The following DLGAP4 variants were observed in gnomAD, a reference collection of about 807,000 sequenced individuals.
The protein encoded by DLGAP4 is disks large-associated protein 4.
In DLGAP4, 18 loss-of-function variants were observed where a neutral mutation model predicts 86.9. The ratio of observed to expected loss-of-function variants is 0.21; its 90% CI spans 0.14 to 0.31. The LOEUF (loss-of-function observed/expected upper bound fraction) is 0.31, where lower values mean the gene tolerates loss of function less well. DLGAP4 is among the 10% of genes least tolerant of loss of function. The pLI, the probability that DLGAP4 is intolerant of heterozygous loss-of-function variation, is 1.00. For synonymous variants in DLGAP4, 548 were observed against 574.3 expected, an observed-to-expected ratio of 0.95 and a Z score of 0.65; for missense variants, 1,085 against 1,362.6, an observed-to-expected ratio of 0.80 and a Z score of 3.21.
At chr20:36,476,576 G>A (rs1336146240) in intron 7 of DLGAP4, among the ~76,000 whole-genome samples, 1 of 150,772 alleles carries the variant, frequency 6.6e-6, no homozygotes, top group East Asian at 1.9e-4. Flanking sequence ...TGATCCACCC[G>A]CCTCAGCCTC....
At chr20:36,487,709 A>G (rs2035477890) in intron 7 of DLGAP4, among the ~76,000 whole-genome samples, 1 of 152,192 alleles carries the variant, frequency 6.6e-6, no homozygotes, top group South Asian at 2.1e-4. Flanking sequence ...AGGCAACCTT[A>G]GTGTCTTCCA....
intron 1 of DLGAP4, among the ~76,000 whole-genome samples, chr20:36,357,123 T>G (rs1555893897): frequency 2.0e-5 from 3 of 152,184 alleles, no homozygotes; most frequent in African/African-American, 7.2e-5. Flanking sequence ...CTCCCTGGAC[T>G]GGCACTGCAG....
chr20:36,341,894 G>A (rs1043968789), intron 1 of DLGAP4, among the ~76,000 whole-genome samples: 3 of 152,180 alleles, frequency 2.0e-5, no homozygotes, highest in East Asian at 1.9e-4. Context: ...ACAGCCTCCC[G>A]CCTTCCTGCA....
intron 1 of DLGAP4, among the ~76,000 whole-genome samples, chr20:36,307,768 A>AG (rs1475273469): frequency 6.6e-6 from 1 of 152,024 alleles, no homozygotes; most frequent in Non-Finnish European, 1.5e-5. Flanking sequence ...AGTCCCCAGT[A>AG]GGGAGGGGGG....
rs1049610275 is a variant in DLGAP4, at chr20:36,500,976, G to T, written c.2512+365G>T. On this transcript the variant is annotated intron_variant, in intron 10 of 12. Coordinates refer to ENST00000339266, the MANE Select transcript of DLGAP4 (RefSeq NM_001365621.2). This position sits in a 1 kb window ranked among gnomAD's most constrained non-coding sequence, Gnocchi z 4.6. The stretch of plus-strand genomic sequence containing the variant: ...CCTCTGCTCACTATATGAGCATGTT[G>T]TAAGGATTGAATGTGGTCGTGCATG... Among the ~76,000 whole-genome samples the T allele has an allele frequency of 2.0e-5, 3 of 151,858 alleles. No homozygotes were observed. The highest frequency in any genetic ancestry group is 1.3e-4 in the Admixed American group (2 of 15,262).
chr20:36,370,524 T>A (rs1192663345), intron 2 of DLGAP4, among the ~76,000 whole-genome samples: 1 of 151,728 alleles, frequency 6.6e-6, no homozygotes, highest in Non-Finnish European at 1.5e-5. Flanking sequence ...GGGACGTTCC[T>A]AGGGACAGGC....
intron 2 of DLGAP4, among the ~76,000 whole-genome samples, chr20:36,383,457 A>C (rs2031477161): frequency 6.6e-6 from 1 of 152,010 alleles, no homozygotes; most frequent in Admixed American, 6.6e-5. Context: ...TTGCTGCTGC[A>C]CTTGGCTGTA....
intron 2 of DLGAP4, among the ~76,000 whole-genome samples, chr20:36,413,686 T>C (rs567867109): frequency 3.9e-5 from 6 of 152,014 alleles, no homozygotes; most frequent in African/African-American, 1.4e-4. Context: ...CCCAAAATGC[T>C]GGAATTACAG....
intron 6 of DLGAP4, among the ~76,000 whole-genome samples, chr20:36,445,090 C>G (rs1002979090): frequency 6.6e-6 from 1 of 152,150 alleles, no homozygotes; most frequent in Admixed American, 6.6e-5. Flanking sequence ...GCTACCACTC[C>G]TGGCTAATTT....
chr20:36,448,093 C>A (rs1050483344), intron 7 of DLGAP4, among the ~76,000 whole-genome samples: 1 of 150,784 alleles, frequency 6.6e-6, no homozygotes, highest in Non-Finnish European at 1.5e-5. Flanking sequence ...CAGTGGCTCA[C>A]GCCTATAATC....
intron 1 of DLGAP4, among the ~76,000 whole-genome samples, chr20:36,341,766 C>T (rs1008748645): frequency 5.3e-5 from 8 of 152,184 alleles, no homozygotes; most frequent in Admixed American, 2.0e-4. Context: ...GGAGAACAAG[C>T]TTCTCCCAGA....
At chr20:36,373,985 C>G (rs1422048556) in intron 2 of DLGAP4, among the ~76,000 whole-genome samples, 1 of 143,374 alleles carries the variant, frequency 7.0e-6, no homozygotes, top group African/African-American at 2.6e-5. Flanking sequence ...TGCAGTGAAC[C>G]GAGATCGTGC....
intron 1 of DLGAP4, among the ~76,000 whole-genome samples, chr20:36,336,096 T>C (rs1346590470): frequency 1.3e-5 from 2 of 152,160 alleles, no homozygotes; most frequent in African/African-American, 2.4e-5. Context: ...ATGGAACACC[T>C]ATAGTGTGTT....
At chr20:36,516,435 G>A (rs961972483) in intron 10 of DLGAP4, among the ~76,000 whole-genome samples, 1 of 152,116 alleles carries the variant, frequency 6.6e-6, no homozygotes, top group Non-Finnish European at 1.5e-5. Flanking sequence ...GGGAGCCGAG[G>A]TGGGTGGATT....
At chr20:36,363,436 T>C (rs139680367) in intron 1 of DLGAP4, among the ~76,000 whole-genome samples, 2 of 152,276 alleles carry the variant, frequency 1.3e-5, no homozygotes, top group East Asian at 1.9e-4. Flanking sequence ...AGAGAGGGCA[T>C]GAATAATCCA....
At chr20:36,422,623 C>G (rs1248622797) in intron 2 of DLGAP4, among the ~76,000 whole-genome samples, 1 of 152,150 alleles carries the variant, frequency 6.6e-6, no homozygotes, top group Non-Finnish European at 1.5e-5. Flanking sequence ...ATGCTAGGTT[C>G]TGTTCCTGGC....
At chr20:36,334,582 T>C (rs2065302713) in intron 1 of DLGAP4, among the ~76,000 whole-genome samples, 1 of 151,718 alleles carries the variant, frequency 6.6e-6, no homozygotes, top group Admixed American at 6.6e-5. Context: ...TCAGGGGAGA[T>C]GAAGGTGGCC....
At chr20:36,485,457 A>G (rs1368753306) in intron 7 of DLGAP4, among the ~76,000 whole-genome samples, 2 of 152,104 alleles carry the variant, frequency 1.3e-5, no homozygotes, top group Non-Finnish European at 1.5e-5. Flanking sequence ...GGTTTCCAAC[A>G]TGGCAGCTGT....
chr20:36,394,467 A>G (rs2147469797), intron 2 of DLGAP4, among the ~76,000 whole-genome samples: 1 of 152,164 alleles, frequency 6.6e-6, no homozygotes, highest in South Asian at 2.1e-4. Flanking sequence ...GACGGACTCC[A>G]TGGTCCCCAT....
Sources: gnomAD v4.1 joint callset for allele counts (sites outside exome capture counted in the v4.1 genomes callset) on GRCh38, gnomAD v4.1.1 for gene constraint, Gnocchi (gnomAD v3.1) non-coding constraint, MANE v1.5 for transcripts, NCBI Gene and HGNC (gene_info 2026-07-23, HGNC 2026-07-21) for gene names.